The following ATM variants were observed in gnomAD, a reference collection of about 807,000 sequenced individuals.
ATM encodes the protein serine-protein kinase ATM.
In ATM, 308 loss-of-function variants were observed where a neutral mutation model predicts 387.0. The observed-to-expected ratio is 0.80, with a 90% CI of 0.73 to 0.87. ATM has a LOEUF of 0.87. ATM is among the 40% of genes least tolerant of loss of function. The pLI is 0.00. For synonymous variants in ATM, 1,156 were observed against 1,187.3 expected (o/e 0.97, Z 0.54); for missense variants, 3,312 against 3,560.9 (o/e 0.93, Z 1.78).
chr11:108,286,444 C>G (rs559095047), intron 26 of ATM, among the ~76,000 whole-genome samples: 33 of 151,640 alleles, frequency 2.2e-4, no homozygotes, highest in Non-Finnish European at 4.3e-4. Flanking sequence ...GGGCCCTGAG[C>G]AAGTGGCTCA....
intron 16 of ATM, among the ~76,000 whole-genome samples, chr11:108,266,434 A>G (rs867497788): frequency 4.2e-5 from 6 of 144,264 alleles, no homozygotes; most frequent in Non-Finnish European, 6.0e-5. Context: ...GAATTGAACA[A>G]TGAGATCACA....
intron 5 of ATM, among the ~76,000 whole-genome samples, chr11:108,241,076 G>C (rs1171565873): frequency 6.6e-6 from 1 of 151,540 alleles, no homozygotes; most frequent in African/African-American, 2.4e-5. Flanking sequence ...CTTTTTTGTT[G>C]AAAACAAAGA....
intron 43 of ATM, among the ~76,000 whole-genome samples, 153 bp downstream of exon 43, chr11:108,317,674 C>CACACACTA (rs1348508969): frequency 9.3e-5 from 12 of 129,314 alleles, no homozygotes; most frequent in Admixed American, 1.6e-4. Context: ...CACACACACA[C>CACACACTA]TATATATATA....
chr11:108,330,910 CTTAGA>C (rs751845251), intron 50 of ATM, among the ~76,000 whole-genome samples: 17 of 152,008 alleles, frequency 1.1e-4, no homozygotes, highest in Non-Finnish European at 2.1e-4. Flanking sequence ...CTTTGAAAAC[CTTAGA>C]TTATAGTGAT....
chr11:108,244,516 T>G (rs56134519), intron 6 of ATM, among the ~76,000 whole-genome samples: 71 of 152,222 alleles, frequency 4.7e-4, no homozygotes, highest in African/African-American at 1.6e-3. Flanking sequence ...ATAAATGGTG[T>G]TACAAATCAG....
At chr11:108,316,201 T>C in intron 42 of ATM, 88 bp downstream of exon 42, 1 of 1,213,252 alleles carries the variant, frequency 8.2e-7, no homozygotes, top group Non-Finnish European at 1.2e-6. Flanking sequence ...CACAGCCAGA[T>C]AAACTCTAGA....
At chr11:108,355,043 A>C in intron 61 of ATM, 169 bp downstream of exon 61, 1 of 629,094 alleles carries the variant, frequency 1.6e-6, no homozygotes, top group Non-Finnish European at 2.8e-6. Flanking sequence ...ACATCCAAAA[A>C]TACTGGTTTA....
At chr11:108,271,215 T>G (rs2135550480) in intron 19 of ATM, 36 bp from the exon 20 acceptor site, 1 of 1,613,328 alleles carries the variant, frequency 6.2e-7, no homozygotes, top group Non-Finnish European at 8.5e-7. Context: ...TCTGTTAAGC[T>G]TATAAAGTTG....
rs187265650 is a variant in ATM at position 108,278,803 on chromosome 11, C to T, written c.3285-688C>T. On this transcript the variant is annotated intron_variant, in intron 22 of 62. Coordinates refer to ENST00000675843, the MANE Select transcript of ATM (RefSeq NM_000051.4). Reference sequence around the variant, plus strand: ...CGTGAGGGATCTGCCCCCATGACTCCGACACCTCCCATTAGGCATAACCTA... The same window carrying T: ...CGTGAGGGATCTGCCCCCATGACTCTGACACCTCCCATTAGGCATAACCTA... 1.8e-3 allele frequency among the ~76,000 whole-genome samples: 278 copies of T among 152,150 alleles called. 2 individuals are homozygous for T. Among genetic ancestry groups the T allele is most frequent in the African/African-American group, 6.4e-3 (267 of 41,492 alleles).
chr11:108,341,887 A>G (rs1481920362), intron 56 of ATM, among the ~76,000 whole-genome samples: 1 of 152,212 alleles, frequency 6.6e-6, no homozygotes, highest in Non-Finnish European at 1.5e-5. Flanking sequence ...AAATCGGTAC[A>G]GTCACTTTGA....
chr11:108,295,333 GTT>G (rs754503110), intron 32 of ATM: 133 of 287,944 alleles, frequency 4.6e-4, no homozygotes, highest in East Asian at 1.0e-3. Context: ...AAGAGACAGA[GTT>G]TTTTTTTTTT....
intron 24 of ATM, among the ~76,000 whole-genome samples, chr11:108,281,677 A>G (rs922498731): frequency 2.6e-5 from 4 of 152,172 alleles, no homozygotes; most frequent in African/African-American, 9.7e-5. Flanking sequence ...TCACCTCAGC[A>G]TTTATGGTTT....
chr11:108,307,821 A>T (rs1459123735), intron 37 of ATM, 76 bp from the exon 38 acceptor site: 1 of 1,326,090 alleles, frequency 7.5e-7, no homozygotes, highest in Non-Finnish European at 1.1e-6. Context: ...AGTGGGAGAC[A>T]GACACATAAA....
At chr11:108,259,720 A>G (rs910282281) in intron 16 of ATM, among the ~76,000 whole-genome samples, 2 of 152,176 alleles carry the variant, frequency 1.3e-5, no homozygotes, top group Non-Finnish European at 2.9e-5. Flanking sequence ...AAAGTGACCA[A>G]AAATCTTGCC....
At chr11:108,223,709 GGAT>G (rs1284711890) in intron 1 of ATM, 14 of 152,236 alleles carry the variant, frequency 9.2e-5, no homozygotes, top group Admixed American at 9.2e-4. Flanking sequence ...CAACTACAGT[GGAT>G]GATAATGTAT....
intron 4 of ATM, among the ~76,000 whole-genome samples, chr11:108,234,551 C>T (rs1010413044): frequency 2.6e-5 from 4 of 152,116 alleles, no homozygotes; most frequent in African/African-American, 4.8e-5. Context: ...GACACAGGTA[C>T]AGGGGTCAAG....
At chr11:108,236,693 G>C (rs1247875811) in intron 5 of ATM, among the ~76,000 whole-genome samples, 1 of 152,214 alleles carries the variant, frequency 6.6e-6, no homozygotes, top group Admixed American at 6.5e-5. Flanking sequence ...TATTAGAATA[G>C]AATGCATTAG....
At chr11:108,244,227 C>A (rs186848497) in intron 6 of ATM, 109 bp downstream of exon 6, 3 of 1,282,568 alleles carry the variant, frequency 2.3e-6, no homozygotes, top group African/African-American at 1.5e-5. Flanking sequence ...AAACATTGAT[C>A]CATCATAACA....
intron 26 of ATM, among the ~76,000 whole-genome samples, chr11:108,286,298 G>C (rs189720364): frequency 0.019 from 1,824 of 97,556 alleles, 58 homozygotes; most frequent in African/African-American, 0.068. Context: ...GGGCAACAGA[G>C]CAAGATTTCG....
Sources: allele counts gnomAD v4.1 joint callset (sites outside exome capture counted in the v4.1 genomes callset), GRCh38; gene constraint gnomAD v4.1.1; transcripts MANE v1.5; gene names NCBI Gene and HGNC (gene_info 2026-07-23, HGNC 2026-07-21).